PLD5: variants seen among roughly 807,000 people sequenced by gnomAD.
PLD5 encodes inactive phospholipase D5.
PLD5 carries 36 observed loss-of-function variants against 61.1 expected under a neutral mutation model. The ratio of observed to expected loss-of-function variants is 0.59; its 90% CI spans 0.45 to 0.78. The LOEUF is 0.78. PLD5 is among the 30% of genes least tolerant of loss of function. The pLI, the probability that PLD5 is intolerant of heterozygous loss-of-function variation, is 0.00. For synonymous variants in PLD5, 243 were observed against 242.8 expected (o/e 1.00, Z -0.01); for missense variants, 515 against 644.4 (o/e 0.80, Z 2.17).
intron 1 of PLD5, among the ~76,000 whole-genome samples, chr1:242,499,351 G>T (rs1378238568): frequency 2.0e-5 from 3 of 152,178 alleles, no homozygotes; most frequent in African/African-American, 7.2e-5. Flanking sequence ...CAAGAATTTA[G>T]CTAAGTAGAT....
intron 3 of PLD5, among the ~76,000 whole-genome samples, chr1:242,280,796 TTAGA>T (rs1674680159): frequency 1.3e-5 from 2 of 152,332 alleles, no homozygotes; most frequent in Non-Finnish European, 2.9e-5. Context: ...CACACGAGTA[TTAGA>T]TAGTTTTATC....
intron 8 of PLD5, among the ~76,000 whole-genome samples, chr1:242,104,771 T>G (rs759706164): frequency 2.6e-5 from 4 of 152,258 alleles, no homozygotes; most frequent in African/African-American, 4.8e-5. Context: ...ACTTCCTGCC[T>G]TGGACTCCCA....
At chr1:242,329,512 G>T (rs1475443491) in intron 2 of PLD5, among the ~76,000 whole-genome samples, 2 of 152,026 alleles carry the variant, frequency 1.3e-5, no homozygotes, top group African/African-American at 4.8e-5. Context: ...CTCCACTCAG[G>T]TGATCCACGG....
intron 2 of PLD5, among the ~76,000 whole-genome samples, chr1:242,328,308 ATATGTTCTACATATATG>A (rs998226008): frequency 0.014 from 36 of 2,510 alleles, no homozygotes; most frequent in Non-Finnish European, 0.031. Context: ...TTCTACATAT[ATATGTTCTACATATATG>A]TGTTTTACAT....
At chr1:242,467,418 A>G (rs1264558351) in intron 1 of PLD5, among the ~76,000 whole-genome samples, 1 of 152,128 alleles carries the variant, frequency 6.6e-6, no homozygotes, top group African/African-American at 2.4e-5. Flanking sequence ...ATTTCTCAAC[A>G]TTTTAAGTAC....
intron 5 of PLD5, among the ~76,000 whole-genome samples, chr1:242,173,578 G>A (rs1487571870): frequency 1.3e-5 from 2 of 152,152 alleles, no homozygotes; most frequent in Non-Finnish European, 2.9e-5. Flanking sequence ...AAAAGAGCCT[G>A]CATTGCCAAG....
Position 242,135,949 on chromosome 1 carries a change from C to T in PLD5, c.736-11284G>A, listed in dbSNP as rs187806909. ...GAGACGAAGGAATGAATTTAGCATG[C>T]AGAGCATTGGCTCTCCTTCTTTAGA... is the stretch of plus-strand genomic sequence containing the variant. On this transcript the variant is annotated intron_variant, in intron 5 of 9. Transcript: ENST00000536534. Among the ~76,000 whole-genome samples the T allele has an allele frequency of 1.4e-4, 22 of 152,094 alleles. No individual in the cohort carries two copies. The East Asian group carries it at 2.7e-3, about 19-fold the overall frequency.
intron 5 of PLD5, among the ~76,000 whole-genome samples, chr1:242,171,058 G>A (rs1036318274): frequency 3.9e-5 from 6 of 152,170 alleles, no homozygotes; most frequent in East Asian, 1.9e-4. Context: ...GATACTCCTC[G>A]AGCAGAGCAA....
intron 2 of PLD5, among the ~76,000 whole-genome samples, chr1:242,327,737 G>A (rs891330254): frequency 6.6e-6 from 1 of 152,168 alleles, no homozygotes; most frequent in African/African-American, 2.4e-5. Context: ...CTTTCAAAAT[G>A]TAAATTATTT....
chr1:242,135,225 A>ATATATG (rs1317280912), intron 5 of PLD5, among the ~76,000 whole-genome samples: 24 of 152,316 alleles, frequency 1.6e-4, no homozygotes, highest in African/African-American at 5.8e-4. Context: ...ATAAATATAT[A>ATATATG]TATATGTATA....
chr1:242,483,340 C>T (rs1215583754), intron 1 of PLD5, among the ~76,000 whole-genome samples: 2 of 151,972 alleles, frequency 1.3e-5, no homozygotes, highest in Non-Finnish European at 1.5e-5. Flanking sequence ...CACACATAGG[C>T]TCAAAATAAA....
chr1:242,260,081 G>T (rs1291433223), intron 4 of PLD5, among the ~76,000 whole-genome samples: 4 of 152,116 alleles, frequency 2.6e-5, no homozygotes, highest in Non-Finnish European at 5.9e-5. Context: ...AGGTGGGGTG[G>T]CTCACGCCTG....
chr1:242,284,230 C>T (rs904934211), intron 3 of PLD5, among the ~76,000 whole-genome samples: 7 of 144,144 alleles, frequency 4.9e-5, no homozygotes, highest in Admixed American at 4.3e-4. Flanking sequence ...CTCCGCCTCC[C>T]GGGTTCCAGC....
chr1:242,424,459 C>T (rs1361521561), intron 1 of PLD5, among the ~76,000 whole-genome samples: 2 of 152,036 alleles, frequency 1.3e-5, no homozygotes, highest in Non-Finnish European at 2.9e-5. Flanking sequence ...TCTCTGGCCA[C>T]CTGAAATTTC....
At chr1:242,501,353 G>A (rs1668548223) in intron 1 of PLD5, among the ~76,000 whole-genome samples, 1 of 152,330 alleles carries the variant, frequency 6.6e-6, no homozygotes, top group South Asian at 2.1e-4. Context: ...GCATGTCTGA[G>A]TACAGGACAC....
chr1:242,515,264 G>C (rs1330773937), intron 1 of PLD5, among the ~76,000 whole-genome samples: 1 of 152,086 alleles, frequency 6.6e-6, no homozygotes, highest in Admixed American at 6.6e-5. Flanking sequence ...CCAGGCTGGA[G>C]TGCAATGGCA....
intron 1 of PLD5, among the ~76,000 whole-genome samples, chr1:242,483,088 C>T (rs1245991169): frequency 1.3e-5 from 2 of 152,206 alleles, no homozygotes; most frequent in Non-Finnish European, 2.9e-5. Flanking sequence ...CAGCCGGTAC[C>T]AGCCACTGCA....
intron 5 of PLD5, among the ~76,000 whole-genome samples, chr1:242,174,750 G>A (rs1445693264): frequency 6.6e-6 from 1 of 151,936 alleles, no homozygotes; most frequent in Admixed American, 6.6e-5. Flanking sequence ...TCCTTTGTAG[G>A]GACATGGATG....
rs183529495 is a variant in PLD5 at position 242,339,456 on chromosome 1, C to T, written c.326+8650G>A. On this transcript the variant is annotated intron_variant, in intron 2 of 9. Transcript: ENST00000536534. ...GGATGAGTTTCTTCAGCTCAGGACT[C>T]AGAGAATGCAGATGACCTTTGAAGG... Among the ~76,000 whole-genome samples the T allele has an allele frequency of 3.3e-5, 5 of 152,222 alleles. No homozygotes were observed. The East Asian group carries it at 7.7e-4, about 24-fold the overall frequency.
Sources: allele counts gnomAD v4.1 joint callset (sites outside exome capture counted in the v4.1 genomes callset), GRCh38; gene constraint gnomAD v4.1.1; transcripts MANE v1.5; gene names NCBI Gene and HGNC (gene_info 2026-07-23, HGNC 2026-07-21).